The following SRRM4 variants were observed in gnomAD, a reference collection of about 807,000 sequenced individuals.
SRRM4 encodes the protein serine/arginine repetitive matrix 4.
In SRRM4, 33 loss-of-function variants were observed where a neutral mutation model predicts 68.9. The ratio of observed to expected loss-of-function variants is 0.48; its 90% confidence interval spans 0.36 to 0.64. The LOEUF is 0.64. Ranked by LOEUF, SRRM4 falls within the 30% of genes least tolerant of loss-of-function variation. The probability of loss-of-function intolerance (pLI) is 0.00; values close to 1 mark genes in which losing one functional copy is unlikely to be tolerated. For synonymous variants in SRRM4, 318 were observed against 318.8 expected, an observed-to-expected ratio of 1.00 and a Z score of 0.03; for missense variants, 817 against 827.1, an observed-to-expected ratio of 0.99 and a Z score of 0.15.
In SRRM4 at chr12:119,154,397, G is replaced by T; in HGVS notation, c.1532+14G>T. On this transcript the variant is annotated intron_variant, in intron 12 of 12. Coordinates refer to ENST00000267260, the MANE Select transcript of SRRM4 (RefSeq NM_194286.4). This position sits in a 1 kb window ranked among gnomAD's most constrained non-coding sequence, Gnocchi z 4.7. ...GAGGATAACCAGGTGAGGCCAGGGG[G>T]CAAGGGGGACCCACCTTCATCCTCG... The T allele has an allele frequency of 6.2e-7, 1 of 1,611,304 alleles. No homozygotes were observed. Among genetic ancestry groups the T allele is most frequent in the Non-Finnish European group, 8.5e-7 (1 of 1,179,012 alleles).
intron 1 of SRRM4, among the ~76,000 whole-genome samples, chr12:119,026,561 AT>A (rs1953549688): frequency 6.6e-6 from 1 of 151,722 alleles, no homozygotes; most frequent in Non-Finnish European, 1.5e-5. Context: ...TTATTTATTT[AT>A]TTTTGAGATG....
rs1954513110 is a variant in SRRM4 at position 119,161,449 on chromosome 12, T to C, written c.*4651T>C. 1 of 152,240 alleles carries C rather than the reference T, an allele frequency of 6.6e-6. No individual in the cohort carries two copies. Among genetic ancestry groups the C allele is most frequent in the Non-Finnish European group, 1.5e-5 (1 of 68,044 alleles). The allele number at this position is 152,240 out of a possible 1,614,324, so 9.4% of individuals were successfully genotyped here. A position where few individuals can be genotyped will look rare whatever the true frequency, so the allele number is the denominator to read the frequency against. Reference sequence around the variant, plus strand: ...AGAAATGTCATCTCTCTTCTATCTGTGGTTGCTGTTTTTGGAGTAAAAGTT... The same window carrying C: ...AGAAATGTCATCTCTCTTCTATCTGCGGTTGCTGTTTTTGGAGTAAAAGTT... On this transcript the variant is annotated 3_prime_UTR_variant, in exon 13 of 13. Coordinates refer to ENST00000267260, the MANE Select transcript of SRRM4 (RefSeq NM_194286.4).
intron 1 of SRRM4, among the ~76,000 whole-genome samples, chr12:119,090,772 A>G (rs1325665292): frequency 1.3e-5 from 2 of 152,044 alleles, no homozygotes; most frequent in African/African-American, 2.4e-5. Context: ...CTTGGACTCA[A>G]TGCTCCCCAA....
intron 1 of SRRM4, among the ~76,000 whole-genome samples, chr12:119,024,977 C>T (rs1040241171): frequency 6.6e-6 from 1 of 152,132 alleles, no homozygotes; most frequent in Admixed American, 6.5e-5. Context: ...TACGGTGCTG[C>T]CCTACATAGA....
intron 1 of SRRM4, among the ~76,000 whole-genome samples, chr12:119,037,873 C>A (rs1186574756): frequency 6.6e-6 from 1 of 152,198 alleles, no homozygotes; most frequent in African/African-American, 2.4e-5. Flanking sequence ...CATCACCTTG[C>A]TGAATTTCAG....
At chr12:119,054,819 G>A (rs1288342691) in intron 1 of SRRM4, among the ~76,000 whole-genome samples, 1 of 152,190 alleles carries the variant, frequency 6.6e-6, no homozygotes, top group Admixed American at 6.5e-5. Context: ...AGTGCTACCA[G>A]AGGGCCGCAC....
At chr12:119,049,868 C>T (rs1953731329) in intron 1 of SRRM4, among the ~76,000 whole-genome samples, 1 of 152,124 alleles carries the variant, frequency 6.6e-6, no homozygotes, top group Admixed American at 6.5e-5. Context: ...TTAGGGCCCA[C>T]CCATAGGACC....
At chr12:119,135,843 C>T (rs954650649) in intron 8 of SRRM4, among the ~76,000 whole-genome samples, 1 of 152,176 alleles carries the variant, frequency 6.6e-6, no homozygotes, top group South Asian at 2.1e-4. Context: ...TGTTTAATTA[C>T]ATGACCTCCT....
chr12:119,116,914 A>G lies in SRRM4; in HGVS notation c.366-23A>G, dbSNP rs766664340. 16 of 1,608,566 alleles carry G rather than the reference A, an allele frequency of 9.9e-6. No homozygotes were observed. The South Asian group carries it at 1.7e-4, about 17-fold the overall frequency. On this transcript the variant is annotated intron_variant, in intron 3 of 12. Coordinates refer to ENST00000267260, the MANE Select transcript of SRRM4 (RefSeq NM_194286.4). ...TGGCCTTTAAGAGCCTCCTTCTGAAATGTGTCTTCTTGGCCCTGGCAGGTC... is the reference window on the plus strand; with the variant it reads ...TGGCCTTTAAGAGCCTCCTTCTGAAGTGTGTCTTCTTGGCCCTGGCAGGTC...
intron 1 of SRRM4, among the ~76,000 whole-genome samples, chr12:119,012,269 G>C (rs1953454266): frequency 6.6e-6 from 1 of 152,180 alleles, no homozygotes; most frequent in African/African-American, 2.4e-5. Context: ...AGATAGAGAT[G>C]AATGAGTCCT....
rs1363343579 is a variant in SRRM4, at chr12:119,160,062, A to G, written c.*3264A>G. On this transcript the variant is annotated 3_prime_UTR_variant, in exon 13 of 13. Coordinates refer to ENST00000267260, the MANE Select transcript of SRRM4 (RefSeq NM_194286.4). ...GACAGCTCTTGCCCTTTCCAAAGTC[A>G]CTGTCCACTGCCTTGCAATTGCCAG... The G allele has an allele frequency of 6.6e-6, 1 of 151,972 alleles. No homozygotes were observed. Among genetic ancestry groups the G allele is most frequent in the Non-Finnish European group, 1.5e-5 (1 of 68,024 alleles). The allele number at this position is 151,972 out of a possible 1,614,324, so 9.4% of individuals were successfully genotyped here.
rs999659036 is a variant in SRRM4 at position 119,059,565 on chromosome 12, C to A, written c.132-42671C>A. On this transcript the variant is annotated intron_variant, in intron 1 of 12. Coordinates refer to ENST00000267260, the MANE Select transcript of SRRM4 (RefSeq NM_194286.4). ...GTGATGTGAAAGAGGGCCTGGCCCA[C>A]ATTAGGGAAATGTCTCCCTGGCTAC... 4.6e-5 allele frequency among the ~76,000 whole-genome samples: 7 copies of A among 152,232 alleles called. No homozygotes were observed. The East Asian group carries it at 7.8e-4, about 17-fold the overall frequency.
At chr12:119,074,792 A>G (rs1222523606) in intron 1 of SRRM4, among the ~76,000 whole-genome samples, 1 of 152,222 alleles carries the variant, frequency 6.6e-6, no homozygotes, top group African/African-American at 2.4e-5. Flanking sequence ...GAGATTATTT[A>G]AAAGCCCTAT....
chr12:119,014,842 C>T (rs117240186), intron 1 of SRRM4, among the ~76,000 whole-genome samples: 10 of 152,176 alleles, frequency 6.6e-5, no homozygotes, highest in African/African-American at 1.2e-4. Context: ...TCTGTTAAAG[C>T]GAAAGTACCC....
At chr12:119,012,340 G>T (rs1525950) in intron 1 of SRRM4, among the ~76,000 whole-genome samples, 121,497 of 152,122 alleles carry the variant, frequency 0.8, 48,894 homozygotes, top group Middle Eastern at 0.91. Context: ...CTCACCTGGG[G>T]GTCTTTTTCA....
chr12:119,092,054 G>C (rs573525743), intron 1 of SRRM4, among the ~76,000 whole-genome samples: 1 of 152,298 alleles, frequency 6.6e-6, no homozygotes, highest in South Asian at 2.1e-4. Context: ...ATGAATCACT[G>C]TGTCTAAATG....
At chr12:119,048,691 G>A (rs1335674032) in intron 1 of SRRM4, among the ~76,000 whole-genome samples, 2 of 152,144 alleles carry the variant, frequency 1.3e-5, no homozygotes, top group African/African-American at 2.4e-5. Flanking sequence ...TTGGGAGGCC[G>A]AGGTGGGCTG....
chr12:119,111,351 T>C (rs1393155367), intron 2 of SRRM4, among the ~76,000 whole-genome samples: 2 of 152,114 alleles, frequency 1.3e-5, no homozygotes, highest in African/African-American at 4.8e-5. Context: ...GCGTTTGGGA[T>C]TTATTGAGGG....
intron 1 of SRRM4, among the ~76,000 whole-genome samples, chr12:119,063,175 A>AG: frequency 6.6e-6 from 1 of 152,338 alleles, no homozygotes; most frequent in South Asian, 2.1e-4. Context: ...AAGATGAACA[A>AG]GCCACAGTCT....
Sources: allele counts gnomAD v4.1 joint callset (sites outside exome capture counted in the v4.1 genomes callset), GRCh38; gene constraint gnomAD v4.1.1; non-coding constraint Gnocchi (gnomAD v3.1); transcripts MANE v1.5; gene names NCBI Gene and HGNC (gene_info 2026-07-23, HGNC 2026-07-21).